The following ERBB4 variants were observed in gnomAD, a reference collection of about 807,000 sequenced individuals.
ERBB4 encodes the protein erb-b2 receptor tyrosine kinase 4.
Under a neutral mutation model 158.0 loss-of-function variants are expected in ERBB4, and 42 were observed. That is an observed-to-expected ratio of 0.27 (90% CI 0.21 to 0.34). The LOEUF (loss-of-function observed/expected upper bound fraction) is 0.34, where lower values mean the gene tolerates loss of function less well. Among genes scored for constraint, ERBB4 ranks in the 10% least tolerant of loss-of-function variants. The pLI is 1.00. For synonymous variants in ERBB4, 583 were observed against 558.7 expected, an observed-to-expected ratio of 1.04 and a Z score of -0.61; for missense variants, 1,333 against 1,624.1, an observed-to-expected ratio of 0.82 and a Z score of 3.08.
chr2:212,471,291 T>C (rs1300296956), intron 1 of ERBB4, among the ~76,000 whole-genome samples: 1 of 152,048 alleles, frequency 6.6e-6, no homozygotes, highest in Non-Finnish European at 1.5e-5. Flanking sequence ...GTGCTCATTG[T>C]CTATGTTCAT....
At chr2:211,591,333 G>A (rs76405758) in intron 19 of ERBB4, among the ~76,000 whole-genome samples, 1 of 152,118 alleles carries the variant, frequency 6.6e-6, no homozygotes, top group Non-Finnish European at 1.5e-5. Flanking sequence ...ACACATGAGG[G>A]TCTTAATTTT....
At chr2:212,374,085 T>G (rs2090234331) in intron 1 of ERBB4, among the ~76,000 whole-genome samples, 2 of 126,708 alleles carry the variant, frequency 1.6e-5, no homozygotes. Flanking sequence ...TATATCCATA[T>G]ATATCCATAT....
chr2:211,831,271 C>T (rs1364225179), intron 3 of ERBB4, among the ~76,000 whole-genome samples: 2 of 152,128 alleles, frequency 1.3e-5, no homozygotes, highest in African/African-American at 4.8e-5. Flanking sequence ...CTCGTGTCCA[C>T]TTCAAACAAG....
intron 2 of ERBB4, among the ~76,000 whole-genome samples, chr2:212,109,596 A>G (rs1381590521): frequency 2.0e-5 from 3 of 152,188 alleles, no homozygotes; most frequent in Admixed American, 1.3e-4. Context: ...TTATCTGAAC[A>G]TCATAGTCCA....
intron 16 of ERBB4, among the ~76,000 whole-genome samples, chr2:211,634,226 T>C (rs2070268019): frequency 6.6e-6 from 1 of 152,206 alleles, no homozygotes; most frequent in African/African-American, 2.4e-5. Context: ...AATGGCCTTG[T>C]TCTCTTTTTC....
chr2:211,939,513 C>G (rs1308089166), intron 3 of ERBB4, among the ~76,000 whole-genome samples: 1 of 152,020 alleles, frequency 6.6e-6, no homozygotes, highest in Non-Finnish European at 1.5e-5. Flanking sequence ...AGCCTCATTT[C>G]TGAACTCTGA....
chr2:211,477,379 T>G (rs2064981617), intron 20 of ERBB4, among the ~76,000 whole-genome samples: 1 of 152,134 alleles, frequency 6.6e-6, no homozygotes, highest in Non-Finnish European at 1.5e-5. Flanking sequence ...TATTTCTCTG[T>G]GTTGGTTTTG....
chr2:212,233,544 T>C (rs1021965310), intron 1 of ERBB4, among the ~76,000 whole-genome samples: 3 of 152,066 alleles, frequency 2.0e-5, no homozygotes, highest in Non-Finnish European at 4.4e-5. Context: ...AGGATCTGAG[T>C]TCTAAAATAA....
At chr2:212,481,836 A>T (rs1425587212) in intron 1 of ERBB4, among the ~76,000 whole-genome samples, 2 of 152,312 alleles carry the variant, frequency 1.3e-5, no homozygotes, top group East Asian at 1.9e-4. Flanking sequence ...AAAAAATTAC[A>T]TTTTCATCCA....
intron 3 of ERBB4, among the ~76,000 whole-genome samples, chr2:211,944,881 A>T (rs2080635909): frequency 6.6e-6 from 1 of 152,112 alleles, no homozygotes; most frequent in African/African-American, 2.4e-5. Context: ...TGGAGTTAAA[A>T]ATGTAATACA....
At chr2:211,774,808 T>A (rs2075831031) in intron 4 of ERBB4, among the ~76,000 whole-genome samples, 1 of 152,224 alleles carries the variant, frequency 6.6e-6, no homozygotes, top group Non-Finnish European at 1.5e-5. Flanking sequence ...TTATTAATAT[T>A]GGGCTGTTAA....
intron 16 of ERBB4, among the ~76,000 whole-genome samples, chr2:211,655,819 C>T (rs1433900823): frequency 1.3e-5 from 2 of 152,226 alleles, no homozygotes; most frequent in Admixed American, 6.5e-5. Flanking sequence ...CTCGAAATAA[C>T]TAGACTAACT....
intron 19 of ERBB4, among the ~76,000 whole-genome samples, chr2:211,608,147 T>C (rs985348431): frequency 6.6e-6 from 1 of 152,096 alleles, no homozygotes; most frequent in African/African-American, 2.4e-5. Context: ...TAAAATGTCA[T>C]ATGGAGCAAT....
chr2:212,161,835 T>A (rs1312047200), intron 1 of ERBB4, among the ~76,000 whole-genome samples: 1 of 151,818 alleles, frequency 6.6e-6, no homozygotes, highest in African/African-American at 2.4e-5. Context: ...ATAAAAATAT[T>A]CTCCTATGAA....
At chr2:212,138,980 G>GGGTA (rs2080359181) in intron 1 of ERBB4, among the ~76,000 whole-genome samples, 1 of 152,050 alleles carries the variant, frequency 6.6e-6, no homozygotes, top group Non-Finnish European at 1.5e-5. Context: ...ACACTCCTAT[G>GGGTA]GGTAAGTAAA....
At chr2:212,067,179 C>T (rs1211777815) in intron 2 of ERBB4, among the ~76,000 whole-genome samples, 2 of 151,914 alleles carry the variant, frequency 1.3e-5, no homozygotes, top group Non-Finnish European at 2.9e-5. Flanking sequence ...AAACTATTCA[C>T]AAATATTTTT....
intron 3 of ERBB4, among the ~76,000 whole-genome samples, chr2:211,834,558 G>A (rs1242707780): frequency 6.6e-6 from 1 of 151,708 alleles, no homozygotes; most frequent in African/African-American, 2.4e-5. Context: ...ATCATATTAG[G>A]AGAACAGTTA....
chr2:212,163,013 ATTC>A (rs2125652162), intron 1 of ERBB4, among the ~76,000 whole-genome samples: 1 of 152,028 alleles, frequency 6.6e-6, no homozygotes, highest in African/African-American at 2.4e-5. Flanking sequence ...TCACATCAGC[ATTC>A]TTCTTCAATT....
At chr2:212,390,513 T>C (rs2106435728) in intron 1 of ERBB4, among the ~76,000 whole-genome samples, 1 of 151,964 alleles carries the variant, frequency 6.6e-6, no homozygotes, top group Non-Finnish European at 1.5e-5. Flanking sequence ...TCTATTCTTT[T>C]TTCTTTTGCT....
Sources: allele counts gnomAD v4.1 joint callset (sites outside exome capture counted in the v4.1 genomes callset), GRCh38; gene constraint gnomAD v4.1.1; transcripts MANE v1.5; gene names NCBI Gene and HGNC (gene_info 2026-07-23, HGNC 2026-07-21).